Variants in MMD2 observed in about 807,000 individuals in gnomAD.
MMD2 encodes monocyte to macrophage differentiation associated 2.
A neutral mutation model predicts 33.5 loss-of-function variants in MMD2; 30 were observed. The ratio of observed to expected loss-of-function variants is 0.90; its 90% confidence interval spans 0.67 to 1.22. The LOEUF (loss-of-function observed/expected upper bound fraction) is 1.22. Among genes scored for constraint, MMD2 ranks in the 50% most tolerant of loss-of-function variants. The pLI, the probability that MMD2 is intolerant of heterozygous loss-of-function variation, is 0.00. For synonymous variants in MMD2, 129 were observed against 123.0 expected, an observed-to-expected ratio of 1.05 and a Z score of -0.32; for missense variants, 364 against 325.4, an observed-to-expected ratio of 1.12 and a Z score of -0.91.
intron 3 of MMD2, 95 bp from the exon 4 acceptor site, chr7:4,916,174 A>T: frequency 8.5e-7 from 1 of 1,181,680 alleles, no homozygotes; most frequent in Non-Finnish European, 1.2e-6. Context: ...GTGCCTGCCT[A>T]CAGGTTAGCA....
At chr7:4,905,168 A>G (rs550653276), downstream of MMD2, among the ~76,000 whole-genome samples, 2 of 152,126 alleles carry the variant, frequency 1.3e-5, no homozygotes, top group African/African-American at 2.4e-5. This position sits in a 1 kb window ranked among gnomAD's most constrained non-coding sequence, Gnocchi z 5.0. Context: ...AGCAGCTGCT[A>G]TGGGGCCACT....
chr7:4,930,702 C>T (rs766601210), intron 1 of MMD2, among the ~76,000 whole-genome samples: 15 of 150,972 alleles, frequency 9.9e-5, no homozygotes, highest in East Asian at 1.9e-4. Flanking sequence ...CAGAGACACA[C>T]GGGGACGACA....
chr7:4,935,002 A>G (rs941200378), intron 1 of MMD2, among the ~76,000 whole-genome samples: 43 of 152,160 alleles, frequency 2.8e-4, no homozygotes, highest in African/African-American at 9.9e-4. Context: ...CCTGGCCCAC[A>G]TGGTGAAACC....
intron 1 of MMD2, among the ~76,000 whole-genome samples, chr7:4,935,096 G>C (rs1043915395): frequency 6.6e-6 from 1 of 152,092 alleles, no homozygotes; most frequent in Non-Finnish European, 1.5e-5. Flanking sequence ...TGAGGCAGGA[G>C]AATCTCTTGA....
At chr7:4,907,915 C>T (rs181718473) in intron 6 of MMD2, among the ~76,000 whole-genome samples, 108 of 152,292 alleles carry the variant, frequency 7.1e-4, no homozygotes, top group African/African-American at 2.3e-3. Context: ...GATCCTCCTG[C>T]CTCAGCCTCC....
rs190436029 is a variant in MMD2, at chr7:4,919,749, A to C, written c.290+422T>G. On this transcript the variant is annotated intron_variant, in intron 3 of 6. Transcript: ENST00000401401. ...CACCCCCCAAAAAAATACAAAAATT[A>C]GCTGGACGTGGTGGTGCATACCTGT... Among the ~76,000 whole-genome samples the C allele has an allele frequency of 2.1e-4, 32 of 152,176 alleles. 1 individual carries two copies. The Middle Eastern group carries it at 0.014, about 65-fold the overall frequency.
At chr7:4,913,169 T>C (rs185299962) in intron 4 of MMD2, among the ~76,000 whole-genome samples, 91 of 152,296 alleles carry the variant, frequency 6.0e-4, no homozygotes, top group African/African-American at 2.0e-3. Flanking sequence ...AACATCATTC[T>C]AGATATCCTT....
chr7:4,936,202 G>GAAAAAAAAAA (rs1235476308), intron 1 of MMD2, among the ~76,000 whole-genome samples: 1 of 142,090 alleles, frequency 7.0e-6, no homozygotes. Flanking sequence ...AAAAAAAAAG[G>GAAAAAAAAAA]AAAAAAAAAT....
Sources: gnomAD v4.1 joint callset for allele counts (sites outside exome capture counted in the v4.1 genomes callset) on GRCh38, gnomAD v4.1.1 for gene constraint, Gnocchi (gnomAD v3.1) non-coding constraint, MANE v1.5 for transcripts, NCBI Gene and HGNC (gene_info 2026-07-23, HGNC 2026-07-21) for gene names.